The following KLF16 variants were observed in gnomAD, a reference collection of about 807,000 sequenced individuals.
The protein encoded by KLF16 is Krueppel-like factor 16.
A neutral mutation model predicts 6.1 loss-of-function variants in KLF16; 6 were observed. The ratio of observed to expected loss-of-function variants is 0.98; its 90% confidence interval spans 0.54 to 1.93. The LOEUF is 1.93. Among genes scored for constraint, KLF16 ranks in the 30% most tolerant of loss-of-function variants. KLF16 has a pLI of 0.01. For synonymous variants in KLF16, 211 were observed against 176.5 expected (o/e 1.20, Z -1.55); for missense variants, 355 against 363.8 (o/e 0.98, Z 0.20).
chr19:1,861,458 C>T (rs142841115), intron 1 of KLF16: 2 of 152,536 alleles, frequency 1.3e-5, no homozygotes, highest in Non-Finnish European at 2.9e-5. Context: ...CCAACGCTGC[C>T]TCGCCATCTT....
chr19:1,854,325 C>CA lies in KLF16; in HGVS notation c.*133dup, dbSNP rs1412812654. ...CAGGTCCAGTCTCAGGCCCCCTCCT[C>CA]ACTCTCTGGAGGGGGGCAGGGGTGT... is the stretch of plus-strand genomic sequence containing the variant. On this transcript the variant is annotated 3_prime_UTR_variant, in exon 2 of 2. Transcript: ENST00000250916. 104 of 1,130,486 alleles carry CA rather than the reference C, an allele frequency of 9.2e-5. No individual in the cohort carries two copies. The South Asian group carries it at 1.0e-3, about 11-fold the overall frequency. 70.0% of individuals were successfully genotyped at this position (1,130,486 alleles called of 1,614,324 possible). A position where few individuals can be genotyped will look rare whatever the true frequency, so the allele number is the denominator to read the frequency against.
At chr19:1,868,558 A>G (rs961261578), upstream of KLF16, among the ~76,000 whole-genome samples, 1 of 138,996 alleles carries the variant, frequency 7.2e-6, no homozygotes, top group African/African-American at 2.7e-5. Context: ...GGCTCACTGC[A>G]GCCTCTGCCT....
Position 1,856,955 on chromosome 19 carries a change from TGG to T in KLF16, c.458-2197_458-2196del, listed in dbSNP as rs896271453. On this transcript the variant is annotated intron_variant, in intron 1 of 1. Transcript: ENST00000250916. ...TGCAAGGAGGAGCAGGTTGCCGGGG[TGG>T]GGGGGGCGACCGGGGCAGGGGCGCG... 4.3e-4 allele frequency among the ~76,000 whole-genome samples: 11 copies of T among 25,514 alleles called. 2 individuals are homozygous for T. Among genetic ancestry groups the T allele is most frequent in the Admixed American group, 1.1e-3 (3 of 2,730 alleles). 16.7% of individuals were successfully genotyped at this position (25,514 alleles called of 152,430 possible).
At chr19:1,873,513 C>A in the KLF16 span, among the ~76,000 whole-genome samples, 2 of 152,220 alleles carry the variant, frequency 1.3e-5, no homozygotes, top group African/African-American at 2.4e-5. Context: ...TCACCCAGGG[C>A]CCCGTGCTGG....
chr19:1,867,927 C>CGTGTGTGTGT (rs71174389), upstream of KLF16, among the ~76,000 whole-genome samples: 382 of 147,976 alleles, frequency 2.6e-3, 1 homozygote, highest in East Asian at 9.8e-3. Context: ...TATGTAAGGA[C>CGTGTGTGTGT]GTGTGTGTGT....
upstream of KLF16, among the ~76,000 whole-genome samples, chr19:1,868,123 T>G (rs919379024): frequency 2.0e-5 from 3 of 152,170 alleles, no homozygotes; most frequent in African/African-American, 7.2e-5. Context: ...ATCTAAGCAA[T>G]GCAATGATGG....
rs1224810943 is a variant in KLF16, at chr19:1,853,541, C to G, written c.*918G>C. 1 of 152,504 alleles carries G rather than the reference C, an allele frequency of 6.6e-6. No homozygotes were observed. Among genetic ancestry groups the G allele is most frequent in the African/African-American group, 2.4e-5 (1 of 41,432 alleles). The allele number at this position is 152,504 out of a possible 1,614,324, so 9.4% of individuals were successfully genotyped here. On this transcript the variant is annotated 3_prime_UTR_variant, in exon 2 of 2. Transcript: ENST00000250916. ...GGCAGCGCAGCCCAACAGCCGCAGT[C>G]GTCGTTAAGGGAGAGTTGATTGTCA...
upstream of KLF16, among the ~76,000 whole-genome samples, chr19:1,863,811 C>T (rs1344951327): frequency 2.1e-5 from 3 of 143,390 alleles, no homozygotes; most frequent in African/African-American, 7.6e-5. Flanking sequence ...GGGGCTCGGG[C>T]CGGAGGAACC....
upstream of KLF16, among the ~76,000 whole-genome samples, chr19:1,868,025 G>T (rs1198874227): frequency 6.6e-6 from 1 of 151,804 alleles, no homozygotes; most frequent in Non-Finnish European, 1.5e-5. Flanking sequence ...TCTTTGCTTT[G>T]TGATAGTTTT....
chr19:1,857,665 G>A lies in KLF16; in HGVS notation c.458-2905C>T, dbSNP rs896284923. Among the ~76,000 whole-genome samples the A allele has an allele frequency of 2.0e-5, 3 of 152,108 alleles. No individual in the cohort carries two copies. Among genetic ancestry groups the A allele is most frequent in the Non-Finnish European group, 4.4e-5 (3 of 67,990 alleles). Reference sequence around the variant, plus strand: ...TCCTGAGCTTGTCTGGGGGGCCTTGGGGTGGGGAGGGGGGCTGTGGCCGGC... The same window carrying A: ...TCCTGAGCTTGTCTGGGGGGCCTTGAGGTGGGGAGGGGGGCTGTGGCCGGC... On this transcript the variant is annotated intron_variant, in intron 1 of 1. Coordinates refer to ENST00000250916, the MANE Select transcript of KLF16 (RefSeq NM_031918.4). The surrounding 1 kb of genome is among the most constrained non-coding windows in gnomAD (Gnocchi z 4.7).
rs71337046 is a variant in KLF16 at position 1,857,309 on chromosome 19, G to A, written c.458-2549C>T. On this transcript the variant is annotated intron_variant, in intron 1 of 1. Transcript: ENST00000250916. This position sits in a 1 kb window ranked among gnomAD's most constrained non-coding sequence, Gnocchi z 4.7. ...GGTGGGGTGAACTTGTGGGGGCCCAGAGCGCGCTGCTCCTAGCCAGCCGGG... is the reference window on the plus strand; with the variant it reads ...GGTGGGGTGAACTTGTGGGGGCCCAAAGCGCGCTGCTCCTAGCCAGCCGGG... 3.5e-3 allele frequency among the ~76,000 whole-genome samples: 535 copies of A among 152,326 alleles called. 4 individuals are homozygous for A. Among genetic ancestry groups the A allele is most frequent in the Non-Finnish European group, 4.2e-3 (288 of 68,020 alleles).
At position 1,853,430 on chromosome 19, in the gene KLF16, G is replaced by A. The variant is rs1034187527; in HGVS notation, c.*1029C>T. 6 of 152,752 alleles carry A rather than the reference G, an allele frequency of 3.9e-5. No individual in the cohort carries two copies. Among genetic ancestry groups the A allele is most frequent in the Non-Finnish European group, 5.9e-5 (4 of 68,172 alleles). The allele number at this position is 152,752 out of a possible 1,614,324, so 9.5% of individuals were successfully genotyped here. A position where few individuals can be genotyped will look rare whatever the true frequency, so the allele number is the denominator to read the frequency against. On this transcript the variant is annotated 3_prime_UTR_variant, in exon 2 of 2. Coordinates refer to ENST00000250916, the MANE Select transcript of KLF16 (RefSeq NM_031918.4). Reference sequence around the variant, plus strand: ...GAAGGAGGGGAGGCCAGGGAAGCAGGGCCGGGCCAGGCTGCAGCCCAGGCC... The same window carrying A: ...GAAGGAGGGGAGGCCAGGGAAGCAGAGCCGGGCCAGGCTGCAGCCCAGGCC...
intron 1 of KLF16, chr19:1,862,729 A>AAC: frequency 3.2e-6 from 1 of 314,192 alleles, no homozygotes; most frequent in East Asian, 4.5e-5. Context: ...AAAAAAAAAA[A>AAC]ACGGAACAAG....
the KLF16 span, chr19:1,875,328 C>T: frequency 2.0e-5 from 3 of 152,158 alleles, no homozygotes; most frequent in Admixed American, 6.5e-5. Flanking sequence ...CGGAGGAATC[C>T]CACCTGTATC....
At chr19:1,875,839 G>A in the KLF16 span, 21 of 152,482 alleles carry the variant, frequency 1.4e-4, 1 homozygote, top group Admixed American at 1.2e-3. Flanking sequence ...GGGACAGAAG[G>A]AAGACACTGC....
chr19:1,872,377 C>T, the KLF16 span, among the ~76,000 whole-genome samples: 2 of 152,184 alleles, frequency 1.3e-5, no homozygotes, highest in African/African-American at 4.8e-5. Flanking sequence ...GGTCATCCAC[C>T]GCCTCGGCCT....
At chr19:1,858,677 G>A (rs769740235) in intron 1 of KLF16, among the ~76,000 whole-genome samples, 10 of 151,630 alleles carry the variant, frequency 6.6e-5, no homozygotes, top group Non-Finnish European at 1.0e-4. Context: ...TCCCCACCCC[G>A]CCGCCAAACT....
At chr19:1,862,852 C>A in intron 1 of KLF16, 189 bp downstream of exon 1, 1 of 272,312 alleles carries the variant, frequency 3.7e-6, no homozygotes, top group Non-Finnish European at 6.7e-6. Context: ...GCTCGCCGCC[C>A]GACCGCGTGG....
intron 1 of KLF16, among the ~76,000 whole-genome samples, chr19:1,856,112 G>T (rs921176835): frequency 6.6e-6 from 1 of 152,188 alleles, no homozygotes; most frequent in African/African-American, 2.4e-5. Flanking sequence ...CACTCCCACC[G>T]GTCCATGAAG....
Sources: allele counts gnomAD v4.1 joint callset (sites outside exome capture counted in the v4.1 genomes callset), GRCh38; gene constraint gnomAD v4.1.1; non-coding constraint Gnocchi (gnomAD v3.1); transcripts MANE v1.5; gene names NCBI Gene and HGNC (gene_info 2026-07-23, HGNC 2026-07-21).